The following KALRN variants were observed in gnomAD, a reference collection of about 807,000 sequenced individuals.
The protein encoded by KALRN is kalirin.
Under a neutral mutation model 353.7 loss-of-function variants are expected in KALRN, and 70 were observed. That is an observed-to-expected ratio of 0.20 (90% confidence interval 0.16 to 0.24). The LOEUF is 0.24. KALRN is among the 10% of genes least tolerant of loss of function. The pLI, the probability that KALRN is intolerant of heterozygous loss-of-function variation, is 1.00. For synonymous variants in KALRN, 1,391 were observed against 1,434.8 expected, an observed-to-expected ratio of 0.97 and a Z score of 0.69; for missense variants, 2,791 against 3,756.7, an observed-to-expected ratio of 0.74 and a Z score of 6.72.
intron 34 of KALRN, among the ~76,000 whole-genome samples, chr3:124,579,502 G>T (rs1382153549): frequency 1.3e-5 from 2 of 152,256 alleles, no homozygotes; most frequent in African/African-American, 4.8e-5. Context: ...GGAGTGGGTG[G>T]GTAGGTATGT....
intron 34 of KALRN, chr3:124,584,741 C>A (rs2149290265): frequency 6.6e-7 from 1 of 1,522,378 alleles, no homozygotes; most frequent in Middle Eastern, 2.2e-4. Flanking sequence ...CGGGCGGCGG[C>A]GCTGAAGTTT....
chr3:124,720,467 TAG>T lies in KALRN; in HGVS notation c.*999_*1000del, dbSNP rs1255898375. ...CACTTTCTGATTTCTTCTACAGCTG[TAG>T]AATACCATCTTTCAGAAAGTTGGCT... On this transcript the variant is annotated 3_prime_UTR_variant, in exon 60 of 60. Coordinates refer to ENST00000682506, the MANE Select transcript of KALRN (RefSeq NM_001388419.1). The T allele has an allele frequency of 6.6e-6, 1 of 152,656 alleles. No homozygotes were observed. The highest frequency in any genetic ancestry group is 1.9e-4 in the East Asian group (1 of 5,200). 9.5% of individuals were successfully genotyped at this position (152,656 alleles called of 1,614,324 possible).
At chr3:124,390,288 A>G (rs2150007128) in intron 11 of KALRN, among the ~76,000 whole-genome samples, 1 of 152,340 alleles carries the variant, frequency 6.6e-6, no homozygotes, top group East Asian at 1.9e-4. Flanking sequence ...TGTAGTATAA[A>G]TATAAGTCAA....
intron 1 of KALRN, among the ~76,000 whole-genome samples, chr3:124,056,063 T>C (rs2041510345): frequency 6.6e-6 from 1 of 152,226 alleles, no homozygotes; most frequent in Non-Finnish European, 1.5e-5. Flanking sequence ...TTTGTGCAGA[T>C]TAAGAACAAA....
chr3:124,248,168 T>C (rs1184659513), intron 3 of KALRN, among the ~76,000 whole-genome samples: 2 of 152,350 alleles, frequency 1.3e-5, no homozygotes, highest in Non-Finnish European at 2.9e-5. Context: ...TTTTGTTTCT[T>C]GCCCCTGAGG....
At chr3:124,108,001 CT>C (rs1195770725) in intron 1 of KALRN, among the ~76,000 whole-genome samples, 6 of 152,194 alleles carry the variant, frequency 3.9e-5, no homozygotes, top group Admixed American at 3.9e-4. Context: ...TTCTCCGCCC[CT>C]CACTCTGTTA....
chr3:124,085,974 A>T (rs2060796501), intron 1 of KALRN, among the ~76,000 whole-genome samples: 1 of 152,208 alleles, frequency 6.6e-6, no homozygotes, highest in South Asian at 2.1e-4. Context: ...TTCGCAAATC[A>T]TATCCTTTCA....
chr3:124,153,086 T>A (rs957964096), intron 1 of KALRN: 5 of 159,936 alleles, frequency 3.1e-5, no homozygotes, highest in South Asian at 1.8e-4. Flanking sequence ...AATTCTTTTT[T>A]AATTTTTAAA....
At chr3:124,651,061 G>C in intron 38 of KALRN, 123 bp downstream of exon 38, 1 of 1,214,284 alleles carries the variant, frequency 8.2e-7, no homozygotes, top group Non-Finnish European at 1.2e-6. Context: ...TTCATTCTAA[G>C]ACTCAGATCT....
chr3:124,544,257 C>G (rs2069372535), intron 33 of KALRN, among the ~76,000 whole-genome samples: 1 of 152,008 alleles, frequency 6.6e-6, no homozygotes, highest in Non-Finnish European at 1.5e-5. Flanking sequence ...TTTATTTTTC[C>G]CTTCAATACT....
At chr3:124,592,018 A>C (rs1197827161) in intron 34 of KALRN, among the ~76,000 whole-genome samples, 2 of 152,202 alleles carry the variant, frequency 1.3e-5, no homozygotes, top group African/African-American at 4.8e-5. Flanking sequence ...TACTGGCAAG[A>C]GTCTGGGCAT....
At chr3:124,550,207 TC>T (rs2070301812) in intron 33 of KALRN, among the ~76,000 whole-genome samples, 1 of 152,146 alleles carries the variant, frequency 6.6e-6, no homozygotes, top group Non-Finnish European at 1.5e-5. Flanking sequence ...AGAGTCTCTC[TC>T]AAATGACTAC....
At chr3:124,059,630 T>C (rs1347651231) in intron 1 of KALRN, among the ~76,000 whole-genome samples, 1 of 152,250 alleles carries the variant, frequency 6.6e-6, no homozygotes, top group Non-Finnish European at 1.5e-5. Context: ...GTGTGCCTGT[T>C]GGGCACTGCA....
At chr3:124,257,330 A>G (rs2072163148) in intron 3 of KALRN, among the ~76,000 whole-genome samples, 1 of 152,226 alleles carries the variant, frequency 6.6e-6, no homozygotes, top group Non-Finnish European at 1.5e-5. Context: ...ATCCCAGACC[A>G]ACATTCATCA....
intron 33 of KALRN, among the ~76,000 whole-genome samples, chr3:124,539,927 G>GC (rs1251244963): frequency 2.1e-5 from 3 of 141,456 alleles, no homozygotes; most frequent in Non-Finnish European, 3.0e-5. Flanking sequence ...TTTTTTGGGG[G>GC]GGGGGACAGG....
intron 33 of KALRN, among the ~76,000 whole-genome samples, chr3:124,521,316 C>G (rs2067144101): frequency 6.6e-6 from 1 of 152,184 alleles, no homozygotes; most frequent in South Asian, 2.1e-4. Flanking sequence ...GTAGAGGAGA[C>G]AGATATTAGT....
At chr3:124,582,770 G>A (rs1033168759) in intron 34 of KALRN, among the ~76,000 whole-genome samples, 1 of 117,576 alleles carries the variant, frequency 8.5e-6, no homozygotes, top group African/African-American at 3.0e-5. Flanking sequence ...ATTTTTTTTG[G>A]GGGGGTTGAG....
At chr3:124,092,519 T>TCAA (rs1405181534) in intron 1 of KALRN, among the ~76,000 whole-genome samples, 1 of 152,230 alleles carries the variant, frequency 6.6e-6, no homozygotes. Flanking sequence ...GACCCTCCAC[T>TCAA]CAACCTGTGC....
At position 124,650,955 on chromosome 3, in the gene KALRN, G is replaced by A; in HGVS notation, c.5795+17G>A. The A allele has an allele frequency of 6.2e-7, 1 of 1,613,570 alleles. No homozygotes were observed. The highest frequency in any genetic ancestry group is 8.5e-7 in the Non-Finnish European group (1 of 1,179,900). On this transcript the variant is annotated intron_variant, in intron 38 of 59. Transcript: ENST00000682506. ...AGGCAGGATGTAAGTGGCTTCCCCA[G>A]TTCCTCCCTGTGGTGCACATGTGAG...
Sources: allele counts gnomAD v4.1 joint callset (sites outside exome capture counted in the v4.1 genomes callset), GRCh38; gene constraint gnomAD v4.1.1; transcripts MANE v1.5; gene names NCBI Gene and HGNC (gene_info 2026-07-23, HGNC 2026-07-21).